ESR2: variants seen among roughly 807,000 people sequenced by gnomAD.
ESR2 encodes the protein estrogen receptor 2, also known as estrogen receptor beta.
ESR2 carries 36 observed loss-of-function variants against 49.6 expected under a neutral mutation model. The ratio of observed to expected loss-of-function variants is 0.73; its 90% CI spans 0.56 to 0.96. The LOEUF is 0.96. ESR2 is among the 40% of genes least tolerant of loss of function. The pLI is 0.00. For synonymous variants in ESR2, 320 were observed against 266.1 expected (o/e 1.20, Z -1.97); for missense variants, 714 against 693.0 (o/e 1.03, Z -0.34).
At chr14:64,302,704 C>T (rs985296174) in intron 1 of ESR2, among the ~76,000 whole-genome samples, 3 of 152,190 alleles carry the variant, frequency 2.0e-5, no homozygotes, top group African/African-American at 7.2e-5. Flanking sequence ...TTTATCATCC[C>T]CACTTTACAG....
chr14:64,246,357 C>T (rs1791142145), intron 7 of ESR2, among the ~76,000 whole-genome samples: 1 of 152,104 alleles, frequency 6.6e-6, no homozygotes, highest in Non-Finnish European at 1.5e-5. Context: ...AGGGGCTCTT[C>T]TGCCTTTGCT....
intron 1 of ESR2, among the ~76,000 whole-genome samples, chr14:64,309,195 A>C (rs1373118661): frequency 6.6e-6 from 1 of 152,174 alleles, no homozygotes; most frequent in Non-Finnish European, 1.5e-5. Context: ...TAAAGAACAA[A>C]AGGAGAGCCC....
At chr14:64,286,332 G>A (rs140504538) in intron 1 of ESR2, among the ~76,000 whole-genome samples, 11 of 151,892 alleles carry the variant, frequency 7.2e-5, no homozygotes, top group South Asian at 2.1e-4. Flanking sequence ...ATGGAGTTTC[G>A]CTGTGTCACC....
chr14:64,297,514 C>T (rs568377186), upstream of ESR2: 1 of 152,378 alleles, frequency 6.6e-6, no homozygotes, highest in Non-Finnish European at 1.5e-5. Context: ...CATTGGCTCC[C>T]CCACAGCCCT....
At chr14:64,309,724 C>G (rs920086913) in intron 1 of ESR2, among the ~76,000 whole-genome samples, 6 of 152,016 alleles carry the variant, frequency 3.9e-5, no homozygotes, top group Admixed American at 2.6e-4. Context: ...AATCCCAGCA[C>G]TTTGAGAGGC....
intron 7 of ESR2, among the ~76,000 whole-genome samples, chr14:64,244,885 A>G (rs187582460): frequency 6.6e-5 from 10 of 152,304 alleles, no homozygotes. Flanking sequence ...CTGCTTTGCA[A>G]CCTGGAAACT....
intron 1 of ESR2, among the ~76,000 whole-genome samples, chr14:64,290,915 T>C (rs72722320): frequency 0.068 from 10,394 of 152,136 alleles, 416 homozygotes; most frequent in Non-Finnish European, 0.083. Context: ...TTTAGTTGGA[T>C]AGGAAAGAGT....
intron 5 of ESR2, 46 bp downstream of exon 5, chr14:64,260,403 G>A (rs776597610): frequency 1.9e-5 from 28 of 1,500,212 alleles, no homozygotes; most frequent in South Asian, 6.6e-5. Flanking sequence ...ATTAGCGGCC[G>A]GCCTTTCTAC....
intron 1 of ESR2, among the ~76,000 whole-genome samples, chr14:64,318,362 C>T (rs2077282732): frequency 6.6e-6 from 1 of 150,766 alleles, no homozygotes; most frequent in South Asian, 2.1e-4. Context: ...CATAGTAAAA[C>T]CCTGTCTCTA....
rs1336149463 is a variant in ESR2 at position 64,228,956 on chromosome 14, T to C, written c.*4181A>G. Reference sequence around the variant, plus strand: ...GAATAAGTGGCACGTGTTTTCACACTGTAGTATATCACACTCCACAGGGAA... The same window carrying C: ...GAATAAGTGGCACGTGTTTTCACACCGTAGTATATCACACTCCACAGGGAA... On this transcript the variant is annotated 3_prime_UTR_variant, in exon 9 of 9. Coordinates refer to ENST00000341099, the MANE Select transcript of ESR2 (RefSeq NM_001437.3). Among the ~76,000 whole-genome samples, 1 of 152,198 alleles carries C rather than the reference T, an allele frequency of 6.6e-6. No homozygotes were observed. Among genetic ancestry groups the C allele is most frequent in the Non-Finnish European group, 1.5e-5 (1 of 68,028 alleles).
At chr14:64,278,609 G>T (rs985425825) in intron 3 of ESR2, among the ~76,000 whole-genome samples, 3 of 152,208 alleles carry the variant, frequency 2.0e-5, no homozygotes, top group African/African-American at 7.2e-5. Context: ...GAAACATAGG[G>T]TGTTGCCTGG....
chr14:64,281,459 A>G (rs1356320632), intron 2 of ESR2, among the ~76,000 whole-genome samples: 1 of 152,142 alleles, frequency 6.6e-6, no homozygotes, highest in Non-Finnish European at 1.5e-5. Context: ...GAAAAAAAAA[A>G]CAAACCATTA....
In ESR2 at chr14:64,235,128, C is replaced by G; in HGVS notation, c.1248G>C (p.Ala416=). 6.2e-7 allele frequency: 1 copy of G among 1,613,912 alleles called. No individual in the cohort carries two copies. Among genetic ancestry groups the G allele is most frequent in the Non-Finnish European group, 8.5e-7 (1 of 1,180,024 alleles). The change falls in exon 8 of 9, where the codon GCG becomes GCC. Residue 416 remains alanine (A), a synonymous_variant. Transcript: ENST00000341099. ...TCCGGCTGCTGTCAGCATCCTGGGT[C>G]GCTGTGACCAGAGGGTACATACCTG... is the stretch of plus-strand genomic sequence containing the variant. ...LNSSMYPLVT[A]TQDADSSRKL...
At chr14:64,273,211 G>GT (rs1267715295) in intron 3 of ESR2, among the ~76,000 whole-genome samples, 2 of 151,966 alleles carry the variant, frequency 1.3e-5, no homozygotes, top group Non-Finnish European at 2.9e-5. Context: ...AGATCTAATA[G>GT]TTTTTTGGTG....
intron 7 of ESR2, among the ~76,000 whole-genome samples, chr14:64,239,386 A>G (rs1397072143): frequency 1.3e-5 from 2 of 152,240 alleles, no homozygotes; most frequent in East Asian, 3.8e-4. Flanking sequence ...GTGTCTCTTA[A>G]TAATTTTCTT....
chr14:64,271,563 C>T (rs1197005976), intron 3 of ESR2, among the ~76,000 whole-genome samples: 1 of 152,182 alleles, frequency 6.6e-6, no homozygotes, highest in African/African-American at 2.4e-5. Flanking sequence ...TGAGCTCAGG[C>T]AATCTGCCTG....
chr14:64,242,413 A>T (rs1004973534), intron 7 of ESR2, among the ~76,000 whole-genome samples: 25 of 126,722 alleles, frequency 2.0e-4, no homozygotes, highest in African/African-American at 9.5e-4. Context: ...CTCAAAAAAA[A>T]AAAACAAAAA....
chr14:64,333,822 GAC>G (rs981469287), intron 1 of ESR2, among the ~76,000 whole-genome samples: 1 of 152,072 alleles, frequency 6.6e-6, no homozygotes, highest in African/African-American at 2.4e-5. Context: ...TTTGGGTGGG[GAC>G]ACAGACAAAC....
At chr14:64,283,215 C>T (rs373071565) in intron 1 of ESR2, 140 bp from the exon 2 acceptor site, 1 of 373,266 alleles carries the variant, frequency 2.7e-6, no homozygotes, top group Non-Finnish European at 4.8e-6. Flanking sequence ...AAAATATTAA[C>T]CTCAGAGGAG....
Sources: allele counts gnomAD v4.1 joint callset (sites outside exome capture counted in the v4.1 genomes callset), GRCh38; gene constraint gnomAD v4.1.1; transcripts MANE v1.5; gene names NCBI Gene and HGNC (gene_info 2026-07-23, HGNC 2026-07-21).